Variants in HSPA12A observed in about 807,000 individuals in gnomAD.
HSPA12A encodes the protein heat shock 70 kDa protein 12A.
HSPA12A carries 28 observed loss-of-function variants against 69.2 expected under a neutral mutation model. The ratio of observed to expected loss-of-function variants is 0.40; its 90% CI spans 0.30 to 0.55. The LOEUF is 0.55. Ranked by LOEUF, HSPA12A falls within the 20% of genes least tolerant of loss-of-function variation. The pLI is 0.38. For missense variants in HSPA12A, 686 were observed against 900.7 expected (o/e 0.76, Z 3.05); for synonymous variants, 345 against 370.5 (o/e 0.93, Z 0.79).
chr10:116,817,918 G>T (rs1263131616), intron 2 of HSPA12A, among the ~76,000 whole-genome samples: 2 of 152,180 alleles, frequency 1.3e-5, no homozygotes, highest in Non-Finnish European at 2.9e-5. Flanking sequence ...AGACATCCTG[G>T]ATCATTCGCC....
chr10:116,849,501 C>G, intron 1 of HSPA12A: 1 of 1,433,642 alleles, frequency 7.0e-7, no homozygotes, highest in Non-Finnish European at 9.2e-7. Context: ...GTTGCGTTGC[C>G]TAGCGACAGC....
chr10:116,691,507 C>T (rs112368856), intron 6 of HSPA12A, among the ~76,000 whole-genome samples: 3,604 of 152,250 alleles, frequency 0.024, 153 homozygotes, highest in African/African-American at 0.081. Flanking sequence ...ACTTGCCACA[C>T]AACCCAGCCT....
intron 2 of HSPA12A, among the ~76,000 whole-genome samples, chr10:116,788,755 G>A (rs1349718674): frequency 1.3e-5 from 2 of 151,878 alleles, no homozygotes; most frequent in Non-Finnish European, 1.5e-5. Flanking sequence ...AAAGTTATAC[G>A]TGTGAAAATA....
intron 2 of HSPA12A, among the ~76,000 whole-genome samples, chr10:116,772,190 G>C (rs934501791): frequency 9.2e-5 from 14 of 152,148 alleles, no homozygotes; most frequent in Non-Finnish European, 1.8e-4. Context: ...TCCAGATAAG[G>C]CTGGATCACG....
At chr10:116,758,249 T>A (rs1843893542) in intron 2 of HSPA12A, among the ~76,000 whole-genome samples, 1 of 152,186 alleles carries the variant, frequency 6.6e-6, no homozygotes, top group Non-Finnish European at 1.5e-5. Flanking sequence ...CTGAGAAGCA[T>A]CGCTAGCTCT....
intron 5 of HSPA12A, 43 bp from the exon 6 acceptor site, chr10:116,692,510 G>A: frequency 6.7e-7 from 1 of 1,483,014 alleles, no homozygotes; most frequent in Non-Finnish European, 9.4e-7. Flanking sequence ...AGTGGCAGCT[G>A]GTTCCTGGAG....
chr10:116,725,897 G>A (rs1850938250), intron 1 of HSPA12A, among the ~76,000 whole-genome samples: 2 of 152,036 alleles, frequency 1.3e-5, no homozygotes, highest in South Asian at 4.2e-4. Flanking sequence ...CATTCAGCAT[G>A]CTTGCGTGCT....
chr10:116,757,638 C>A (rs1554888901), intron 2 of HSPA12A, among the ~76,000 whole-genome samples: 2 of 152,208 alleles, frequency 1.3e-5, no homozygotes, highest in Non-Finnish European at 2.9e-5. Flanking sequence ...GTTAAGAGCA[C>A]TGGCCTGGGT....
At chr10:116,692,511 G>C in intron 5 of HSPA12A, 44 bp from the exon 6 acceptor site, 1 of 1,485,386 alleles carries the variant, frequency 6.7e-7, no homozygotes, top group Non-Finnish European at 9.4e-7. Flanking sequence ...GTGGCAGCTG[G>C]TTCCTGGAGC....
intron 2 of HSPA12A, among the ~76,000 whole-genome samples, chr10:116,799,647 C>T (rs1408807609): frequency 6.6e-6 from 1 of 152,228 alleles, no homozygotes; most frequent in Non-Finnish European, 1.5e-5. Flanking sequence ...AAGCATGCTG[C>T]CCTGGCCTCC....
intron 2 of HSPA12A, among the ~76,000 whole-genome samples, chr10:116,748,696 A>T (rs1357531947): frequency 6.6e-6 from 1 of 152,186 alleles, no homozygotes; most frequent in Admixed American, 6.5e-5. Context: ...CGGTGGGCAA[A>T]GAGAGAGAGC....
chr10:116,678,308 C>G (rs1257900895), intron 10 of HSPA12A, among the ~76,000 whole-genome samples: 1 of 114,348 alleles, frequency 8.7e-6, no homozygotes, highest in Non-Finnish European at 1.6e-5. Context: ...AAGATTCAAA[C>G]TTGAATCTGA....
intron 1 of HSPA12A, among the ~76,000 whole-genome samples, chr10:116,736,698 T>C (rs1851327131): frequency 6.6e-6 from 1 of 152,132 alleles, no homozygotes; most frequent in Non-Finnish European, 1.5e-5. Context: ...GGAATGCAGG[T>C]CACCTCGAGA....
intron 2 of HSPA12A, among the ~76,000 whole-genome samples, chr10:116,772,840 A>G (rs1165143600): frequency 6.6e-6 from 1 of 151,984 alleles, no homozygotes; most frequent in African/African-American, 2.4e-5. Context: ...GACTGCAGGC[A>G]CACACCACCA....
At position 116,686,223 on chromosome 10, in the gene HSPA12A, G is replaced by A. The variant is rs1554879498; in HGVS notation, c.664-2261C>T. Among the ~76,000 whole-genome samples the A allele has an allele frequency of 6.6e-6, 1 of 152,176 alleles. No homozygotes were observed. Among genetic ancestry groups the A allele is most frequent in the East Asian group, 1.9e-4 (1 of 5,182 alleles). On this transcript the variant is annotated intron_variant, in intron 6 of 11. Coordinates refer to ENST00000369209, the MANE Select transcript of HSPA12A (RefSeq NM_025015.3). The surrounding 1 kb of genome is among the most constrained non-coding windows in gnomAD (Gnocchi z 4.1). ...GCTCTCACACGTATGGTGCCCTCGG[G>A]AAAGGTGAAACCTCTGAGCCTGGAT...
At chr10:116,744,387 TCAGAC>T (rs1194216489), upstream of HSPA12A, among the ~76,000 whole-genome samples, 2 of 152,232 alleles carry the variant, frequency 1.3e-5, no homozygotes, top group Non-Finnish European at 2.9e-5. Context: ...TTCCTCCCCA[TCAGAC>T]CAGGGCATCA....
At chr10:116,777,272 A>C (rs1844359855) in intron 2 of HSPA12A, among the ~76,000 whole-genome samples, 1 of 152,272 alleles carries the variant, frequency 6.6e-6, no homozygotes, top group Non-Finnish European at 1.5e-5. Flanking sequence ...CAGCTCAGGC[A>C]TGGCCTGTCA....
intron 2 of HSPA12A, among the ~76,000 whole-genome samples, chr10:116,766,754 T>A (rs1554889794): frequency 8.5e-5 from 13 of 152,216 alleles, no homozygotes; most frequent in Non-Finnish European, 1.5e-5. Flanking sequence ...GGAATGCCAT[T>A]CACTCATCTT....
chr10:116,850,016 C>T, upstream of HSPA12A: 2 of 589,604 alleles, frequency 3.4e-6, no homozygotes, highest in South Asian at 1.8e-5. Context: ...CAGGCTTCCT[C>T]GCTGCCTAAG....
Sources: gnomAD v4.1 joint callset for allele counts (sites outside exome capture counted in the v4.1 genomes callset) on GRCh38, gnomAD v4.1.1 for gene constraint, Gnocchi (gnomAD v3.1) non-coding constraint, MANE v1.5 for transcripts, NCBI Gene and HGNC (gene_info 2026-07-23, HGNC 2026-07-21) for gene names.